Variants in GPR151 observed in about 807,000 individuals in gnomAD.
GPR151 encodes the protein G protein-coupled receptor 151, also known as G-protein coupled receptor PGR7.
A neutral mutation model predicts 18.2 loss-of-function variants in GPR151; 16 were observed. The observed-to-expected ratio is 0.88, with a 90% CI of 0.60 to 1.34. GPR151 has a LOEUF of 1.34. GPR151 is among the 40% of genes most tolerant of loss of function. The probability of loss-of-function intolerance (pLI) is 0.00; values close to 1 mark genes in which losing one functional copy is unlikely to be tolerated. For missense variants in GPR151, 509 were observed against 504.3 expected, an observed-to-expected ratio of 1.01 and a Z score of -0.09; for synonymous variants, 202 against 191.2, an observed-to-expected ratio of 1.06 and a Z score of -0.47.
chr5:146,514,627 C>A lies in GPR151; in HGVS notation c.*227G>T. The A allele has an allele frequency of 1.2e-5, 6 of 481,954 alleles. No homozygotes were observed. Among genetic ancestry groups the A allele is most frequent in the South Asian group, 3.7e-5 (1 of 27,326 alleles). 29.9% of individuals were successfully genotyped at this position (481,954 alleles called of 1,614,324 possible). The stretch of plus-strand genomic sequence containing the variant: ...AATCACTTTGACAGCAACATCTTTA[C>A]ACAACACTTAAATTGTTTGGGAAGC... On this transcript the variant is annotated 3_prime_UTR_variant, in exon 1 of 1. Coordinates refer to ENST00000311104, the MANE Select transcript of GPR151 (RefSeq NM_194251.3).
In GPR151 at chr5:146,515,906, G is replaced by A; in HGVS notation, c.208C>T (p.Pro70Ser). 2 of 1,614,190 alleles carry A rather than the reference G, an allele frequency of 1.2e-6. No homozygotes were observed. The highest frequency in any genetic ancestry group is 1.7e-6 in the Non-Finnish European group (2 of 1,180,026). ...AGAATCAGGGAGTGGATCATGGATG[G>A]CTTTCCTTTCCAAGCATTGTGAAGG... is the stretch of plus-strand genomic sequence containing the variant. The part of the protein sequence containing the change: ...ILLHNAWKGK[P>S]SMIHSLILNL... Residue 70 changes from proline (P) to serine (S), a missense_variant, in exon 1 of 1, where the codon CCA becomes TCA. Pro to Ser is a moderately conservative substitution (Grantham distance 74). Coordinates refer to ENST00000311104, the MANE Select transcript of GPR151 (RefSeq NM_194251.3).
rs1366372338 is a variant in GPR151, at chr5:146,514,168, T to C, written c.*686A>G. On this transcript the variant is annotated 3_prime_UTR_variant, in exon 1 of 1. Transcript: ENST00000311104. ...AACTGAAGACTCATTCAGGTAGCTT[T>C]AAAAAGTTCACTGAAGCAGGCTTTA... 2.0e-5 allele frequency: 3 copies of C among 152,228 alleles called. No individual in the cohort carries two copies. Among genetic ancestry groups the C allele is most frequent in the African/African-American group, 7.2e-5 (3 of 41,456 alleles). 9.4% of individuals were successfully genotyped at this position (152,228 alleles called of 1,614,324 possible).
Position 146,515,858 on chromosome 5 carries a change from A to G in GPR151, c.256T>C (p.Ser86Pro), listed in dbSNP as rs1561719487. The change falls in exon 1 of 1, where the codon TCC becomes CCC. Residue 86 changes from serine to proline, a missense_variant. Transcript: ENST00000311104. ...LILNLSLADL[S>P]LLLFSAPIRA... Reference sequence around the variant, plus strand: ...ATAGGTGCAGAAAACAGCAGGAGGGAGAGATCAGCCAGGCTGAGATTCAGA... The same window carrying G: ...ATAGGTGCAGAAAACAGCAGGAGGGGGAGATCAGCCAGGCTGAGATTCAGA... 1 of 1,614,166 alleles carries G rather than the reference A, an allele frequency of 6.2e-7. No individual in the cohort carries two copies. Among genetic ancestry groups the G allele is most frequent in the Non-Finnish European group, 8.5e-7 (1 of 1,180,030 alleles).
rs147823507 is a variant in GPR151 at position 146,515,271 on chromosome 5, C to A, written c.843G>T (p.Pro281=). The A allele has an allele frequency of 3.1e-6, 5 of 1,614,148 alleles. No homozygotes were observed. The Admixed American group carries it at 6.7e-5, about 22-fold the overall frequency. The stretch of plus-strand genomic sequence containing the variant: ...GGGCTATGAAACCTTGTGGTGGGGC[C>A]GGGCCTGCAGCCTTCAGATGCCATA... ...LWVWHLKAAG[P]APPQGFIALS... The change falls in exon 1 of 1, where the codon CCG becomes CCT. Residue 281 remains proline (P), a synonymous_variant. Transcript: ENST00000311104.
At position 146,514,854 on chromosome 5, in the gene GPR151, C is replaced by G; in HGVS notation, c.1260G>C (p.Ter420TyrextTer2). 6.4e-7 allele frequency: 1 copy of G among 1,558,224 alleles called. No individual in the cohort carries two copies. Among genetic ancestry groups the G allele is most frequent in the Non-Finnish European group, 8.7e-7 (1 of 1,152,434 alleles). The change falls in exon 1 of 1, where the codon TAG becomes TAC. Residue 420 changes from the stop codon to tyrosine (Y), a stop_lost. Coordinates refer to ENST00000311104, the MANE Select transcript of GPR151 (RefSeq NM_194251.3). ...EDQETGEGVK[*>Y] The stretch of plus-strand genomic sequence containing the variant: ...GTTTGTTTTGCTTTGAAACTTAAAT[C>G]TATTTAACACCTTCCCCTGTCTCTT...
At position 146,515,107 on chromosome 5, in the gene GPR151, T is replaced by C. The variant is rs1357287268; in HGVS notation, c.1007A>G (p.Gln336Arg). ...CTCTGAGTTGCCAGCTGGTGTTTCC[T>C]GAGACTCTGAGACAGTTGGAGGTTT... The part of the protein sequence containing the change: ...TKKPPTVSES[Q>R]ETPAGNSEGL... The change falls in exon 1 of 1, where the codon CAG (glutamine) becomes CGG (arginine). Residue 336 changes from glutamine (Q) to arginine (R), a missense_variant. Physicochemically the swap from Gln to Arg is conservative, Grantham distance 43. Coordinates refer to ENST00000311104, the MANE Select transcript of GPR151 (RefSeq NM_194251.3). 1.2e-6 allele frequency: 2 copies of C among 1,614,044 alleles called. No homozygotes were observed. The highest frequency in any genetic ancestry group is 2.7e-5 in the African/African-American group (2 of 74,934).
rs1029266540 is a variant in GPR151, at chr5:146,513,216, A to G, written c.*1638T>C. The G allele has an allele frequency of 6.6e-6, 1 of 152,236 alleles. No homozygotes were observed. Among genetic ancestry groups the G allele is most frequent in the Non-Finnish European group, 1.5e-5 (1 of 68,032 alleles). The allele number at this position is 152,236 out of a possible 1,614,324, so 9.4% of individuals were successfully genotyped here. A position where few individuals can be genotyped will look rare whatever the true frequency, so the allele number is the denominator to read the frequency against. ...AATGAACATAAAAATTATTTATTCAAATAATCACAGACAATGATAATCCTT... is the reference window on the plus strand; with the variant it reads ...AATGAACATAAAAATTATTTATTCAGATAATCACAGACAATGATAATCCTT... On this transcript the variant is annotated 3_prime_UTR_variant, in exon 1 of 1. Coordinates refer to ENST00000311104, the MANE Select transcript of GPR151 (RefSeq NM_194251.3).
rs888765502 is a variant in GPR151, at chr5:146,514,024, A to C, written c.*830T>G. 1 of 152,218 alleles carries C rather than the reference A, an allele frequency of 6.6e-6. No individual in the cohort carries two copies. The highest frequency in any genetic ancestry group is 6.5e-5 in the Admixed American group (1 of 15,282). 9.4% of individuals were successfully genotyped at this position (152,218 alleles called of 1,614,324 possible). On this transcript the variant is annotated 3_prime_UTR_variant, in exon 1 of 1. Transcript: ENST00000311104. ...TATTAGGAGGAACACATTTCTGCTT[A>C]TAGAAAAATAACTTTCCCACATTTT...
At position 146,514,762 on chromosome 5, in the gene GPR151, T is replaced by C. The variant is rs141483961; in HGVS notation, c.*92A>G. ...ATATTTTTATAATTCCTAATGGTAA[T>C]AATTATATCAGTTTGTAAAGTCAGC... On this transcript the variant is annotated 3_prime_UTR_variant, in exon 1 of 1. Coordinates refer to ENST00000311104, the MANE Select transcript of GPR151 (RefSeq NM_194251.3). The C allele has an allele frequency of 1.3e-6, 1 of 798,472 alleles. No individual in the cohort carries two copies. The highest frequency in any genetic ancestry group is 2.7e-5 in the East Asian group (1 of 37,086). The allele number at this position is 798,472 out of a possible 1,614,324, so 49.5% of individuals were successfully genotyped here.
In GPR151 at chr5:146,515,198, AAATGAGAG is replaced by A. The variant is rs1223481788; in HGVS notation, c.908_915del (p.Pro303LeufsTer43). On this transcript the variant is annotated frameshift_variant, in exon 1 of 1. Coordinates refer to ENST00000311104, the MANE Select transcript of GPR151 (RefSeq NM_194251.3). LOFTEE classifies it low-confidence loss of function (END_TRUNC). ...CTGAACTCTTCCGACATCACAAGAA[AAATGAGAG>A]GATTTGCTGAAGAGATGGAAAACAT... The A allele has an allele frequency of 6.2e-7, 1 of 1,614,058 alleles. No homozygotes were observed. Among genetic ancestry groups the A allele is most frequent in the Admixed American group, 1.7e-5 (1 of 60,004 alleles).
chr5:146,513,784 T>C lies in GPR151; in HGVS notation c.*1070A>G, dbSNP rs2150970099. 6.6e-6 allele frequency: 1 copy of C among 152,270 alleles called. No individual in the cohort carries two copies. Among genetic ancestry groups the C allele is most frequent in the East Asian group, 1.9e-4 (1 of 5,182 alleles). 9.4% of individuals were successfully genotyped at this position (152,270 alleles called of 1,614,324 possible). On this transcript the variant is annotated 3_prime_UTR_variant, in exon 1 of 1. Transcript: ENST00000311104. ...CTGTCTTGGTTTGTTGAATTTTCTCTTTTTGATATTAATCTCTTTCTCAGG... is the reference window on the plus strand; with the variant it reads ...CTGTCTTGGTTTGTTGAATTTTCTCCTTTTGATATTAATCTCTTTCTCAGG...
rs1381096928 is a variant in GPR151 at position 146,515,840 on chromosome 5, C to T, written c.274G>A (p.Ala92Thr). 5.0e-6 allele frequency: 8 copies of T among 1,614,172 alleles called. No individual in the cohort carries two copies. Among genetic ancestry groups the T allele is most frequent in the Non-Finnish European group, 6.8e-6 (8 of 1,180,028 alleles). Residue 92 changes from alanine to threonine, a missense_variant, in exon 1 of 1, where the codon GCA (alanine) becomes ACA (threonine). Physicochemically the swap from Ala to Thr is moderately conservative, Grantham distance 58. Coordinates refer to ENST00000311104, the MANE Select transcript of GPR151 (RefSeq NM_194251.3). Reference protein sequence around the residue: ...LADLSLLLFSAPIRATAYSKS... With the variant: ...LADLSLLLFSTPIRATAYSKS... ...GAGTACGCCGTAGCTCGGATAGGTG[C>T]AGAAAACAGCAGGAGGGAGAGATCA...
Position 146,514,839 on chromosome 5 carries a change from C to T in GPR151, c.*15G>A. On this transcript the variant is annotated 3_prime_UTR_variant, in exon 1 of 1. Transcript: ENST00000311104. Reference sequence around the variant, plus strand: ...AATACAATAATCACAGTTTGTTTTGCTTTGAAACTTAAATCTATTTAACAC... The same window carrying T: ...AATACAATAATCACAGTTTGTTTTGTTTTGAAACTTAAATCTATTTAACAC... 1 of 1,536,456 alleles carries T rather than the reference C, an allele frequency of 6.5e-7. No individual in the cohort carries two copies. Among genetic ancestry groups the T allele is most frequent in the Non-Finnish European group, 8.8e-7 (1 of 1,138,468 alleles).
chr5:146,515,140 A>G lies in GPR151; in HGVS notation c.974T>C (p.Ile325Thr), dbSNP rs759593957. 4 of 1,613,942 alleles carry G rather than the reference A, an allele frequency of 2.5e-6. No homozygotes were observed. The East Asian group carries it at 6.7e-5, about 27-fold the overall frequency. ...TGAGACAGTTGGAGGTTTTTTGGTT[A>G]TCATCCATTTCCATACACCTTTCAA... Reference protein sequence around the residue: ...EGLKGVWKWMITKKPPTVSES... With the variant: ...EGLKGVWKWMTTKKPPTVSES... Residue 325 changes from isoleucine to threonine, a missense_variant, in exon 1 of 1, where the codon ATA (isoleucine) becomes ACA (threonine). By Grantham distance (89) the Ile-to-Thr change is moderately conservative. Transcript: ENST00000311104.
chr5:146,515,441 C>A lies in GPR151; in HGVS notation c.673G>T (p.Ala225Ser), dbSNP rs867777325. The change falls in exon 1 of 1, where the codon GCT (alanine) becomes TCT (serine). Residue 225 changes from alanine to serine, a missense_variant. By Grantham distance (99) the Ala-to-Ser change is moderately conservative. Transcript: ENST00000311104. ...CCTCGTTTTTTACATTGGTCATAAGCTCTCCAGAAATAAAAGCTGGCAAAA... is the reference window on the plus strand; with the variant it reads ...CCTCGTTTTTTACATTGGTCATAAGATCTCCAGAAATAAAAGCTGGCAAAA... ...LFFASFYFWR[A>S]YDQCKKRGTK... 2 of 1,614,010 alleles carry A rather than the reference C, an allele frequency of 1.2e-6. No homozygotes were observed. Among genetic ancestry groups the A allele is most frequent in the African/African-American group, 2.7e-5 (2 of 74,902 alleles).
At position 146,514,876 on chromosome 5, in the gene GPR151, T is replaced by A. The variant is rs1350265747; in HGVS notation, c.1238A>T (p.Glu413Val). 1 of 1,594,056 alleles carries A rather than the reference T, an allele frequency of 6.3e-7. No individual in the cohort carries two copies. The highest frequency in any genetic ancestry group is 8.5e-7 in the Non-Finnish European group (1 of 1,170,424). The change falls in exon 1 of 1, where the codon GAG becomes GTG. Residue 413 changes from glutamate (E) to valine (V), a missense_variant. Glu to Val is a moderately radical substitution (Grantham distance 121). Coordinates refer to ENST00000311104, the MANE Select transcript of GPR151 (RefSeq NM_194251.3). Reference sequence around the variant, plus strand: ...AATCTATTTAACACCTTCCCCTGTCTCTTGATCTTCATGTTCCCAGGGGAT... The same window carrying A: ...AATCTATTTAACACCTTCCCCTGTCACTTGATCTTCATGTTCCCAGGGGAT... ...DPIPWEHEDQ[E>V]TGEGVK
Position 146,516,023 on chromosome 5 carries a change from CAG to C in GPR151, c.89_90del (p.Ser30Ter). The C allele has an allele frequency of 1.3e-5, 21 of 1,614,100 alleles. No homozygotes were observed. Among genetic ancestry groups the C allele is most frequent in the Non-Finnish European group, 1.6e-5 (19 of 1,180,010 alleles). ...HLHFAGGYLP[S>X]DSQDWRTIIP... ...ATGATGGTTCTCCAGTCCTGGGAAT[CAG>C]AGGGCAGGTACCCTCCGGCAAAGTG... On this transcript the variant is annotated frameshift_variant, in exon 1 of 1. Transcript: ENST00000311104. LOFTEE classifies it high-confidence loss of function.
chr5:146,515,121 A>C lies in GPR151; in HGVS notation c.993T>G (p.Thr331=), dbSNP rs2150970458. Residue 331 remains threonine, a synonymous_variant, in exon 1 of 1, where the codon ACT becomes ACG. Coordinates refer to ENST00000311104, the MANE Select transcript of GPR151 (RefSeq NM_194251.3). ...CTGGTGTTTCCTGAGACTCTGAGAC[A>C]GTTGGAGGTTTTTTGGTTATCATCC... ...WKWMITKKPP[T]VSESQETPAG... is the part of the protein sequence containing the mutation. The C allele has an allele frequency of 6.2e-7, 1 of 1,614,164 alleles. No homozygotes were observed. The highest frequency in any genetic ancestry group is 8.5e-7 in the Non-Finnish European group (1 of 1,180,014).
At position 146,513,204 on chromosome 5, in the gene GPR151, ATTAT is replaced by A. The variant is rs1490481048; in HGVS notation, c.*1646_*1649del. 3 of 152,256 alleles carry A rather than the reference ATTAT, an allele frequency of 2.0e-5. No homozygotes were observed. The highest frequency in any genetic ancestry group is 7.2e-5 in the African/African-American group (3 of 41,470). 9.4% of individuals were successfully genotyped at this position (152,256 alleles called of 1,614,324 possible). Reference sequence around the variant, plus strand: ...TTTACTACATATAATGAACATAAAAATTATTTATTCAAATAATCACAGACAATGA... The same window carrying A: ...TTTACTACATATAATGAACATAAAAATTATTCAAATAATCACAGACAATGA... On this transcript the variant is annotated 3_prime_UTR_variant, in exon 1 of 1. Transcript: ENST00000311104.
Sources: gnomAD v4.1 joint callset for allele counts on GRCh38, gnomAD v4.1.1 for gene constraint, MANE v1.5 for transcripts, NCBI Gene and HGNC (gene_info 2026-07-23, HGNC 2026-07-21) for gene names.